HIPK3: variants seen among roughly 807,000 people sequenced by gnomAD.
HIPK3 encodes homeodomain-interacting protein kinase 3.
A neutral mutation model predicts 124.2 loss-of-function variants in HIPK3; 47 were observed. The ratio of observed to expected loss-of-function variants is 0.38; its 90% confidence interval spans 0.30 to 0.48. The LOEUF is 0.48. Ranked by LOEUF, HIPK3 falls within the 20% of genes least tolerant of loss-of-function variation. HIPK3 has a pLI of 0.98. For synonymous variants in HIPK3, 482 were observed against 515.2 expected (o/e 0.94, Z 0.87); for missense variants, 1,286 against 1,454.3 (o/e 0.88, Z 1.88).
chr11:33,325,848 C>T (rs76270615), intron 2 of HIPK3, among the ~76,000 whole-genome samples: 5 of 152,264 alleles, frequency 3.3e-5, no homozygotes, highest in East Asian at 1.9e-4. Flanking sequence ...TTCTACAACA[C>T]GTTTTAGCAT....
intron 2 of HIPK3, among the ~76,000 whole-genome samples, chr11:33,307,606 C>T (rs1308673934): frequency 6.6e-6 from 1 of 150,914 alleles, no homozygotes; most frequent in Non-Finnish European, 1.5e-5. Flanking sequence ...CGGGGTTTCA[C>T]CGTGTTAGCC....
In HIPK3 at chr11:33,352,130, G is replaced by T. The variant is rs548422051; in HGVS notation, c.3044-8G>T. Reference sequence around the variant, plus strand: ...GCATAAACTCTTTAATATTTTATTCGTCGCCAGATTCTATATGCCAGCCAT... The same window carrying T: ...GCATAAACTCTTTAATATTTTATTCTTCGCCAGATTCTATATGCCAGCCAT... On this transcript the variant is annotated splice_polypyrimidine_tract_variant and splice_region_variant and intron_variant, in intron 15 of 16. Transcript: ENST00000303296. The T allele has an allele frequency of 8.7e-6, 14 of 1,610,654 alleles. No homozygotes were observed. The South Asian group carries it at 9.9e-5, about 11-fold the overall frequency.
At chr11:33,301,821 G>GATACACACACACACACAC in intron 2 of HIPK3, among the ~76,000 whole-genome samples, 1 of 127,544 alleles carries the variant, frequency 7.8e-6, no homozygotes. Flanking sequence ...AACCCTGTCT[G>GATACACACACACACACAC]ACACACACAC....
At chr11:33,349,764 T>C (rs537700999) in intron 14 of HIPK3, among the ~76,000 whole-genome samples, 1 of 152,228 alleles carries the variant, frequency 6.6e-6, no homozygotes, top group Non-Finnish European at 1.5e-5. Flanking sequence ...TAATCTTTTT[T>C]TGCTGAGGGG....
At chr11:33,263,015 A>G (rs1332452630) in intron 1 of HIPK3, among the ~76,000 whole-genome samples, 1 of 152,022 alleles carries the variant, frequency 6.6e-6, no homozygotes, top group African/African-American at 2.4e-5. Flanking sequence ...TCTTTCTAAC[A>G]TGGTCTTGCT....
chr11:33,312,076 T>C (rs1478105896), intron 2 of HIPK3, among the ~76,000 whole-genome samples: 1 of 152,156 alleles, frequency 6.6e-6, no homozygotes, highest in African/African-American at 2.4e-5. Flanking sequence ...CCCAGGATGG[T>C]CTTGAACTCC....
intron 1 of HIPK3, among the ~76,000 whole-genome samples, chr11:33,259,799 G>GC (rs1431504392): frequency 1.9e-5 from 2 of 105,598 alleles, no homozygotes; most frequent in Non-Finnish European, 3.5e-5. Flanking sequence ...TCTGCCTCCC[G>GC]CCCCCCGCCC....
At position 33,337,139 on chromosome 11, in the gene HIPK3, C is replaced by G. The variant is rs932903353; in HGVS notation, c.1286C>G (p.Ser429Cys). The change falls in exon 4 of 17, where the codon TCC (serine) becomes TGC (cysteine). Residue 429 changes from serine (S) to cysteine (C), a missense_variant. By Grantham distance (112) the Ser-to-Cys change is moderately radical. Transcript: ENST00000303296. ...CAGTTGTTAAATGTGGGTACTAAAT[C>G]CACAAGATTTTTTTGCAAAGAAACA... ...GEQLLNVGTK[S>C]TRFFCKETDM... 4 of 1,588,102 alleles carry G rather than the reference C, an allele frequency of 2.5e-6. No homozygotes were observed. Among genetic ancestry groups the G allele is most frequent in the Non-Finnish European group, 3.5e-6 (4 of 1,157,836 alleles).
chr11:33,272,995 T>G (rs1851175982), intron 1 of HIPK3, among the ~76,000 whole-genome samples: 1 of 151,134 alleles, frequency 6.6e-6, no homozygotes, highest in Non-Finnish European at 1.5e-5. Context: ...TCACCGTGCC[T>G]GGCTAATTTT....
intron 2 of HIPK3, among the ~76,000 whole-genome samples, chr11:33,316,361 A>G (rs1328252104): frequency 6.6e-6 from 1 of 152,206 alleles, no homozygotes; most frequent in Admixed American, 6.5e-5. Flanking sequence ...TTTTAGTTGC[A>G]TTATGATTTG....
chr11:33,275,074 C>G (rs1851236303), intron 1 of HIPK3, among the ~76,000 whole-genome samples: 1 of 151,776 alleles, frequency 6.6e-6, no homozygotes, highest in African/African-American at 2.4e-5. Context: ...GAGTCTTGCT[C>G]TGTCACCCAG....
intron 2 of HIPK3, among the ~76,000 whole-genome samples, chr11:33,305,868 A>C (rs1275553989): frequency 1.3e-5 from 2 of 150,034 alleles, no homozygotes; most frequent in African/African-American, 4.9e-5. Context: ...TTTTTTGGAG[A>C]CAGAGTCTCA....
intron 2 of HIPK3, among the ~76,000 whole-genome samples, chr11:33,308,548 T>G (rs1473023798): frequency 6.6e-6 from 1 of 152,054 alleles, no homozygotes; most frequent in African/African-American, 2.4e-5. Flanking sequence ...TTCCCCCCTC[T>G]GGCTGCATTT....
At position 33,337,201 on chromosome 11, in the gene HIPK3, C is replaced by A; in HGVS notation, c.1341+7C>A. On this transcript the variant is annotated splice_region_variant and intron_variant, in intron 4 of 16. Transcript: ENST00000303296. ...TTCTGGTTGGAGATTAAAGGTAATT[C>A]ATTAAAAAATAGAATATTTAGAAGA... 2 of 1,499,888 alleles carry A rather than the reference C, an allele frequency of 1.3e-6. No individual in the cohort carries two copies. Among genetic ancestry groups the A allele is most frequent in the Non-Finnish European group, 1.8e-6 (2 of 1,093,080 alleles). 92.9% of individuals were successfully genotyped at this position (1,499,888 alleles called of 1,614,324 possible).
intron 2 of HIPK3, among the ~76,000 whole-genome samples, chr11:33,307,584 T>A (rs1370790222): frequency 6.6e-6 from 1 of 151,646 alleles, no homozygotes; most frequent in Non-Finnish European, 1.5e-5. Flanking sequence ...TTTTTTGTAT[T>A]TTTAGTAGAG....
chr11:33,326,645 G>A (rs1852819865), intron 2 of HIPK3, among the ~76,000 whole-genome samples: 1 of 151,996 alleles, frequency 6.6e-6, no homozygotes, highest in African/African-American at 2.4e-5. Flanking sequence ...AAAAGTCTGA[G>A]GGAGTTATGA....
chr11:33,287,192 C>T lies in HIPK3; in HGVS notation c.778C>T (p.Arg260Ter), dbSNP rs1565064896. 2.5e-6 allele frequency: 4 copies of T among 1,614,122 alleles called. No individual in the cohort carries two copies. Among genetic ancestry groups the T allele is most frequent in the Non-Finnish European group, 3.4e-6 (4 of 1,180,004 alleles). Reference sequence around the variant, plus strand: ...AAATGCTGATGAATATAACTTTGTACGAGCTTATGAATGCTTTCAGCACCG... The same window carrying T: ...AAATGCTGATGAATATAACTTTGTATGAGCTTATGAATGCTTTCAGCACCG... ...TENADEYNFV[R>*]AYECFQHRNH... Residue 260 changes from arginine (R) to a stop codon, truncating the protein, a stop_gained, in exon 2 of 17, where the codon CGA becomes TGA. Transcript: ENST00000303296. LOFTEE classifies it high-confidence loss of function.
At chr11:33,281,648 A>C (rs1028423169) in intron 1 of HIPK3, among the ~76,000 whole-genome samples, 1 of 152,240 alleles carries the variant, frequency 6.6e-6, no homozygotes, top group African/African-American at 2.4e-5. Flanking sequence ...ATAGATATTC[A>C]GTGCATATGC....
chr11:33,317,766 C>T (rs189214835), intron 2 of HIPK3, among the ~76,000 whole-genome samples: 1 of 152,230 alleles, frequency 6.6e-6, no homozygotes, highest in East Asian at 1.9e-4. Context: ...TAGGTCTTTG[C>T]TGTCTTTTGT....
Sources: allele counts gnomAD v4.1 joint callset (sites outside exome capture counted in the v4.1 genomes callset), GRCh38; gene constraint gnomAD v4.1.1; transcripts MANE v1.5; gene names NCBI Gene and HGNC (gene_info 2026-07-23, HGNC 2026-07-21).